Variants in COLQ observed in about 807,000 individuals in gnomAD.
The protein encoded by COLQ is collagen like tail subunit of asymmetric acetylcholinesterase.
A neutral mutation model predicts 69.0 loss-of-function variants in COLQ; 48 were observed. The observed-to-expected ratio is 0.70, with a 90% CI of 0.55 to 0.88. The LOEUF (loss-of-function observed/expected upper bound fraction) is 0.88, where lower values mean the gene tolerates loss of function less well. Among genes scored for constraint, COLQ ranks in the 40% least tolerant of loss-of-function variants. COLQ has a pLI of 0.00. For missense variants in COLQ, 618 were observed against 594.6 expected (o/e 1.04, Z -0.41); for synonymous variants, 217 against 211.2 (o/e 1.03, Z -0.24).
chr3:15,471,765 A>ATGTCT (rs1430883206), intron 10 of COLQ, among the ~76,000 whole-genome samples: 1 of 152,188 alleles, frequency 6.6e-6, no homozygotes, highest in Non-Finnish European at 1.5e-5. Context: ...CAAGCCACCA[A>ATGTCT]TGTCTTGTTT....
At chr3:15,502,527 T>G (rs2062845630) in intron 1 of COLQ, among the ~76,000 whole-genome samples, 1 of 152,162 alleles carries the variant, frequency 6.6e-6, no homozygotes, top group Non-Finnish European at 1.5e-5. Context: ...GAGATTCTAG[T>G]GCCTCAGCCT....
At chr3:15,509,341 T>G (rs1453406109) in intron 1 of COLQ, among the ~76,000 whole-genome samples, 1 of 152,170 alleles carries the variant, frequency 6.6e-6, no homozygotes, top group Non-Finnish European at 1.5e-5. Flanking sequence ...GTAAGTGGCT[T>G]GTCTTCTTGC....
intron 1 of COLQ, among the ~76,000 whole-genome samples, chr3:15,490,210 A>G (rs543150023): frequency 6.6e-6 from 1 of 152,318 alleles, no homozygotes; most frequent in Admixed American, 6.5e-5. Flanking sequence ...CAGTATCAGG[A>G]AATAAAGGGA....
At chr3:15,457,064 T>A (rs1213009720) in intron 13 of COLQ, among the ~76,000 whole-genome samples, 1 of 152,096 alleles carries the variant, frequency 6.6e-6, no homozygotes, top group Non-Finnish European at 1.5e-5. Flanking sequence ...CTCAAGGTGA[T>A]CCACCCACCT....
At chr3:15,490,308 C>T (rs1224290071) in intron 1 of COLQ, among the ~76,000 whole-genome samples, 1 of 152,294 alleles carries the variant, frequency 6.6e-6, no homozygotes, top group East Asian at 1.9e-4. Flanking sequence ...GTATGCCTTA[C>T]AAAAAGTACA....
Position 15,495,746 on chromosome 3 carries a change from C to A in COLQ, c.107-6109G>T, listed in dbSNP as rs73146170. 5.2e-3 allele frequency among the ~76,000 whole-genome samples: 790 copies of A among 152,274 alleles called. 8 individuals are homozygous for A. Among genetic ancestry groups the A allele is most frequent in the African/African-American group, 0.016 (650 of 41,544 alleles). ...TAAAATAATATGGATACATTGTTCC[C>A]GAACTTGACATTAATGCCAATGTAT... is the stretch of plus-strand genomic sequence containing the variant. On this transcript the variant is annotated intron_variant, in intron 1 of 16. Coordinates refer to ENST00000383788, the MANE Select transcript of COLQ (RefSeq NM_005677.4).
intron 1 of COLQ, among the ~76,000 whole-genome samples, chr3:15,500,472 C>G: frequency 6.6e-6 from 1 of 152,140 alleles, no homozygotes; most frequent in East Asian, 1.9e-4. Context: ...CACATGGCAT[C>G]AAACTTTTTC....
chr3:15,468,617 A>G (rs1423880573), intron 11 of COLQ, among the ~76,000 whole-genome samples: 2 of 152,158 alleles, frequency 1.3e-5, no homozygotes, highest in African/African-American at 2.4e-5. Flanking sequence ...TATAGGCATG[A>G]GTCGCCACTC....
chr3:15,478,816 C>T (rs2062425602), intron 5 of COLQ, 161 bp downstream of exon 5: 10 of 835,060 alleles, frequency 1.2e-5, no homozygotes, highest in Non-Finnish European at 1.8e-5. Context: ...ACAGAAAGGG[C>T]AAGGTTACTA....
rs1575471750 is a variant in COLQ, at chr3:15,470,615, C to T, written c.638G>A (p.Gly213Asp). Residue 213 changes from glycine (G) to aspartate (D), a missense_variant and splice_region_variant, in exon 11 of 17, where the codon GGT becomes GAT. Gly to Asp is a moderately conservative substitution (Grantham distance 94, BLOSUM62 -1). Transcript: ENST00000383788. ...AGGTTCACCTTTTGGACCCATTTCA[C>T]CCTGGAAAGAAGGAAAGAGAAGCAA... ...PGFPGMLGQKGEMGPKGEPGI... is the reference protein window; with the variant it reads ...PGFPGMLGQKDEMGPKGEPGI... The T allele has an allele frequency of 1.9e-6, 3 of 1,614,064 alleles. No individual in the cohort carries two copies. The highest frequency in any genetic ancestry group is 2.5e-6 in the Non-Finnish European group (3 of 1,179,996).
At chr3:15,496,636 A>G (rs1013173649) in intron 1 of COLQ, among the ~76,000 whole-genome samples, 2 of 152,252 alleles carry the variant, frequency 1.3e-5, no homozygotes, top group Non-Finnish European at 2.9e-5. Flanking sequence ...GGAAATGCCA[A>G]CCATCACGGA....
intron 1 of COLQ, chr3:15,498,762 C>T: frequency 6.6e-6 from 10 of 1,519,028 alleles, no homozygotes; most frequent in Non-Finnish European, 8.8e-6. Context: ...TGGAGCCAGT[C>T]CTGAGCTCCT....
intron 12 of COLQ, among the ~76,000 whole-genome samples, chr3:15,462,756 T>C (rs931519544): frequency 6.6e-6 from 1 of 152,026 alleles, no homozygotes; most frequent in Non-Finnish European, 1.5e-5. Context: ...GGGAGGGTGA[T>C]CCATCCTGTT....
chr3:15,470,818 A>G (rs1355890285), intron 10 of COLQ, among the ~76,000 whole-genome samples: 1 of 152,192 alleles, frequency 6.6e-6, no homozygotes, highest in Non-Finnish European at 1.5e-5. Flanking sequence ...GGAGGGAAGG[A>G]AGAAGGTAAT....
At chr3:15,465,680 G>A (rs755216131) in intron 12 of COLQ, among the ~76,000 whole-genome samples, 10 of 125,964 alleles carry the variant, frequency 7.9e-5, no homozygotes, top group Non-Finnish European at 1.6e-4. Context: ...TGCAACCTCC[G>A]CCTCCCAGGT....
rs1411203931 is a variant in COLQ, at chr3:15,489,604, C to T, written c.140G>A (p.Gly47Asp). ...CGTCAGCAGGCAGCATGCTTTGTGG[C>T]CACCACGCTTCTTCTGATCCAGGCT... ...LPSLDQKKRG[G>D]HKACCLLTPP... Residue 47 changes from glycine (G) to aspartate (D), a missense_variant, in exon 2 of 17, where the codon GGC becomes GAC. Gly to Asp is a moderately conservative substitution (Grantham distance 94). Transcript: ENST00000383788. 2 of 1,614,150 alleles carry T rather than the reference C, an allele frequency of 1.2e-6. No individual in the cohort carries two copies. Among genetic ancestry groups the T allele is most frequent in the Non-Finnish European group, 1.7e-6 (2 of 1,180,014 alleles).
At chr3:15,451,927 C>T (rs1487768249) in intron 16 of COLQ, among the ~76,000 whole-genome samples, 3 of 152,182 alleles carry the variant, frequency 2.0e-5, no homozygotes, top group Admixed American at 2.0e-4. Context: ...GGTGGTTGCC[C>T]TGCTCTTAGC....
intron 11 of COLQ, among the ~76,000 whole-genome samples, chr3:15,468,190 C>T (rs771089706): frequency 2.0e-5 from 3 of 152,146 alleles, no homozygotes; most frequent in Non-Finnish European, 2.9e-5. Flanking sequence ...TATCGGCCAT[C>T]GCTCAGAATG....
chr3:15,502,027 G>A (rs1423231787), intron 1 of COLQ, among the ~76,000 whole-genome samples: 1 of 151,426 alleles, frequency 6.6e-6, no homozygotes. Context: ...AGATCCAATG[G>A]TTTTGTTTAC....
Sources: gnomAD v4.1 joint callset for allele counts (sites outside exome capture counted in the v4.1 genomes callset) on GRCh38, gnomAD v4.1.1 for gene constraint, MANE v1.5 for transcripts, NCBI Gene and HGNC (gene_info 2026-07-23, HGNC 2026-07-21) for gene names.